The following COL5A2 variants were observed in gnomAD, a reference collection of about 807,000 sequenced individuals.
The protein encoded by COL5A2 is collagen alpha-2(V) chain.
In COL5A2, 23 loss-of-function variants were observed where a neutral mutation model predicts 208.2. The observed-to-expected ratio is 0.11, with a 90% CI of 0.08 to 0.16. COL5A2 has a LOEUF of 0.16. Among genes scored for constraint, COL5A2 ranks in the 10% least tolerant of loss-of-function variants. COL5A2 has a pLI of 1.00. For synonymous variants in COL5A2, 625 were observed against 628.5 expected (o/e 0.99, Z 0.08); for missense variants, 1,590 against 1,956.4 (o/e 0.81, Z 3.53).
chr2:189,177,018 C>T (rs1446787349), intron 1 of COL5A2, among the ~76,000 whole-genome samples: 1 of 152,080 alleles, frequency 6.6e-6, no homozygotes, highest in Non-Finnish European at 1.5e-5. Flanking sequence ...TTCTATCAGG[C>T]AGGCATACTC....
the COL5A2 span, among the ~76,000 whole-genome samples, chr2:189,289,473 A>G: frequency 5.8e-4 from 88 of 152,338 alleles, no homozygotes; most frequent in African/African-American, 2.0e-3. Flanking sequence ...AAGATCAGGA[A>G]CACGACAAGG....
At chr2:189,099,997 A>T in intron 4 of COL5A2, 110 bp downstream of exon 4, 1 of 964,338 alleles carries the variant, frequency 1.0e-6, no homozygotes, top group Non-Finnish European at 1.6e-6. Flanking sequence ...ACTTGTTTTT[A>T]AAATAACTAA....
At chr2:189,066,597 T>C in intron 22 of COL5A2, 100 bp from the exon 23 acceptor site, 2 of 1,369,058 alleles carry the variant, frequency 1.5e-6, no homozygotes, top group Non-Finnish European at 2.1e-6. Context: ...TTTTAAAGTA[T>C]ATGGAACAAT....
the COL5A2 span, among the ~76,000 whole-genome samples, chr2:189,374,408 C>G: frequency 6.6e-6 from 1 of 151,330 alleles, no homozygotes; most frequent in Non-Finnish European, 1.5e-5. Flanking sequence ...CTATTAACAA[C>G]AAATCAACCA....
chr2:189,263,358 A>G, the COL5A2 span, among the ~76,000 whole-genome samples: 1 of 152,162 alleles, frequency 6.6e-6, no homozygotes, highest in African/African-American at 2.4e-5. Flanking sequence ...TATGTGTGCC[A>G]TTACAAATAC....
At chr2:189,435,908 G>A in the COL5A2 span, among the ~76,000 whole-genome samples, 1 of 152,160 alleles carries the variant, frequency 6.6e-6, no homozygotes, top group Non-Finnish European at 1.5e-5. Context: ...ATTCACAATA[G>A]CAAAGACTTG....
intron 29 of COL5A2, among the ~76,000 whole-genome samples, 172 bp downstream of exon 29, chr2:189,062,693 A>T (rs1316025853): frequency 1.3e-5 from 2 of 152,196 alleles, no homozygotes; most frequent in African/African-American, 4.8e-5. Flanking sequence ...AAAAGGCAGA[A>T]GACATTATCT....
the COL5A2 span, among the ~76,000 whole-genome samples, chr2:189,257,691 C>A: frequency 2.6e-4 from 39 of 152,100 alleles, no homozygotes; most frequent in Non-Finnish European, 4.6e-4. Context: ...CCTGTTACCC[C>A]CTTCCCTCAG....
intron 1 of COL5A2, among the ~76,000 whole-genome samples, chr2:189,144,827 G>C (rs1688007437): frequency 6.6e-6 from 1 of 151,976 alleles, no homozygotes. Context: ...TTCTCCATTT[G>C]GTTCTGAGTG....
chr2:189,220,540 A>C (rs1689336104), intron 1 of COL5A2, among the ~76,000 whole-genome samples: 1 of 152,074 alleles, frequency 6.6e-6, no homozygotes, highest in African/African-American at 2.4e-5. Context: ...CACATTAGCC[A>C]ATATAAAAAG....
chr2:189,153,687 G>A (rs184730526), intron 1 of COL5A2, among the ~76,000 whole-genome samples: 9 of 152,058 alleles, frequency 5.9e-5, no homozygotes, highest in Non-Finnish European at 1.5e-5. Context: ...TTGTTCTCTT[G>A]GCTCAACTAT....
intron 6 of COL5A2, among the ~76,000 whole-genome samples, chr2:189,095,319 C>A (rs1686884033): frequency 6.6e-6 from 1 of 152,106 alleles, no homozygotes; most frequent in South Asian, 2.1e-4. Flanking sequence ...TACATCATTT[C>A]ATATCTTGAA....
the COL5A2 span, among the ~76,000 whole-genome samples, chr2:189,408,213 A>G: frequency 6.6e-6 from 1 of 152,184 alleles, no homozygotes; most frequent in Non-Finnish European, 1.5e-5. Context: ...CTATATGAAT[A>G]CAAAACTTCA....
At chr2:189,225,880 C>T (rs1519180), upstream of COL5A2, among the ~76,000 whole-genome samples, 149,752 of 152,242 alleles carry the variant, frequency 0.98, 73,692 homozygotes, top group East Asian at 1. Flanking sequence ...AGTACAGAAC[C>T]AATATGTGCT....
rs13396958 is a variant in COL5A2, at chr2:189,097,634, C to T, written c.403-304G>A. ...TGCAAATTTTTAAGGATCATATTTG[C>T]TGTCTTCTCCCAGGTAAAGCCTTTG... On this transcript the variant is annotated intron_variant, in intron 5 of 53. Transcript: ENST00000374866. 1.3e-3 allele frequency: 741 copies of T among 553,716 alleles called. 2 individuals are homozygous for T. Among genetic ancestry groups the T allele is most frequent in the African/African-American group, 0.012 (651 of 53,888 alleles). 34.3% of individuals were successfully genotyped at this position (553,716 alleles called of 1,614,324 possible).
chr2:189,040,524 G>A (rs745558142), intron 50 of COL5A2, among the ~76,000 whole-genome samples: 32 of 152,090 alleles, frequency 2.1e-4, no homozygotes, highest in Non-Finnish European at 5.9e-5. Context: ...CATGTAGAGA[G>A]CAAGATCTGG....
chr2:189,329,299 G>A, the COL5A2 span, among the ~76,000 whole-genome samples: 3 of 152,240 alleles, frequency 2.0e-5, no homozygotes, highest in African/African-American at 2.4e-5. Context: ...CATAGAAGCC[G>A]AGAGTAAAAC....
chr2:189,081,166 C>T (rs1217678426), intron 12 of COL5A2, 123 bp from the exon 13 acceptor site: 3 of 734,550 alleles, frequency 4.1e-6, no homozygotes, highest in East Asian at 5.3e-5. Context: ...TTAAGAAGAA[C>T]AAAAAAAAGC....
intron 15 of COL5A2, among the ~76,000 whole-genome samples, chr2:189,078,777 G>C (rs1401693033): frequency 6.6e-6 from 1 of 152,030 alleles, no homozygotes; most frequent in African/African-American, 2.4e-5. Context: ...ACTTAACCTG[G>C]CTTTAATGGG....
Sources: allele counts gnomAD v4.1 joint callset (sites outside exome capture counted in the v4.1 genomes callset), GRCh38; gene constraint gnomAD v4.1.1; transcripts MANE v1.5; gene names NCBI Gene and HGNC (gene_info 2026-07-23, HGNC 2026-07-21).